CDK14: variants seen among roughly 807,000 people sequenced by gnomAD.
CDK14 encodes the protein cyclin-dependent kinase 14.
Under a neutral mutation model 60.7 loss-of-function variants are expected in CDK14, and 34 were observed. That is an observed-to-expected ratio of 0.56 (90% CI 0.43 to 0.75). The LOEUF (loss-of-function observed/expected upper bound fraction) is 0.75, where lower values mean the gene tolerates loss of function less well. CDK14 is among the 30% of genes least tolerant of loss of function. CDK14 has a pLI of 0.00. For synonymous variants in CDK14, 197 were observed against 203.7 expected (o/e 0.97, Z 0.28); for missense variants, 482 against 564.1 (o/e 0.85, Z 1.47).
intron 14 of CDK14, among the ~76,000 whole-genome samples, chr7:91,141,986 C>T (rs1241249983): frequency 1.3e-5 from 2 of 151,984 alleles, no homozygotes; most frequent in Non-Finnish European, 2.9e-5. Context: ...CCGTCACGCC[C>T]GGCTAAATTT....
chr7:90,790,791 A>C, intron 5 of CDK14, 139 bp downstream of exon 5: 1 of 542,476 alleles, frequency 1.8e-6, no homozygotes. Flanking sequence ...ACTGAAATTT[A>C]AAAATCAGTA....
At chr7:90,975,402 A>G (rs1481350379) in intron 9 of CDK14, among the ~76,000 whole-genome samples, 1 of 151,872 alleles carries the variant, frequency 6.6e-6, no homozygotes, top group African/African-American at 2.4e-5. Context: ...TGATGTTTTG[A>G]TACATATAAT....
At chr7:91,134,877 A>C (rs1562919206) in intron 14 of CDK14, among the ~76,000 whole-genome samples, 1 of 142,958 alleles carries the variant, frequency 7.0e-6, no homozygotes. Flanking sequence ...ACCCTGTCTC[A>C]AAAAAAAATA....
chr7:91,142,570 C>G (rs1008179129), intron 14 of CDK14, among the ~76,000 whole-genome samples: 3 of 152,222 alleles, frequency 2.0e-5, no homozygotes, highest in Admixed American at 6.5e-5. Flanking sequence ...CCACTTCACT[C>G]AAGTTGCCTT....
At chr7:90,744,635 G>A (rs1394241448) in intron 3 of CDK14, among the ~76,000 whole-genome samples, 10 of 148,630 alleles carry the variant, frequency 6.7e-5, no homozygotes, top group East Asian at 6.0e-4. Context: ...TGGCTGGGCC[G>A]GGGGCTGACC....
intron 13 of CDK14, among the ~76,000 whole-genome samples, chr7:91,117,532 C>T (rs565414416): frequency 6.6e-6 from 1 of 152,274 alleles, no homozygotes; most frequent in East Asian, 1.9e-4. Context: ...TCAGGAGAGA[C>T]TTCACTGACC....
intron 3 of CDK14, among the ~76,000 whole-genome samples, chr7:90,745,278 ATTG>A (rs1022178860): frequency 6.6e-6 from 1 of 152,070 alleles, no homozygotes; most frequent in African/African-American, 2.4e-5. Context: ...GGGTAATAAA[ATTG>A]TTGTGTTTCC....
intron 10 of CDK14, among the ~76,000 whole-genome samples, chr7:91,014,780 G>A (rs527435288): frequency 1.3e-5 from 2 of 152,262 alleles, no homozygotes; most frequent in East Asian, 3.9e-4. Context: ...CCATTATGGT[G>A]CACGCCCCAG....
At chr7:90,869,957 T>C (rs139388667) in intron 6 of CDK14, among the ~76,000 whole-genome samples, 101 of 152,346 alleles carry the variant, frequency 6.6e-4, no homozygotes, top group Middle Eastern at 3.4e-3. Context: ...TGTTAGCTCG[T>C]AATGCTAAGC....
intron 10 of CDK14, among the ~76,000 whole-genome samples, chr7:91,008,136 A>AC (rs1393546506): frequency 7.1e-5 from 10 of 140,604 alleles, no homozygotes; most frequent in Non-Finnish European, 1.4e-4. Context: ...CCAAAAAAAA[A>AC]AAAAAAAAAC....
intron 6 of CDK14, among the ~76,000 whole-genome samples, chr7:90,890,613 T>G (rs1792088485): frequency 6.6e-6 from 1 of 152,240 alleles, no homozygotes; most frequent in Non-Finnish European, 1.5e-5. Context: ...AGATAAGTAC[T>G]GTAAAGCATA....
intron 4 of CDK14, among the ~76,000 whole-genome samples, chr7:90,751,839 A>G (rs969729531): frequency 1.3e-5 from 2 of 152,240 alleles, no homozygotes; most frequent in African/African-American, 4.8e-5. Context: ...AGAAAGATCT[A>G]TCACTCAAAT....
In CDK14 at chr7:90,820,851, C is replaced by T. The variant is rs145487722; in HGVS notation, c.544+30199C>T. ...ACCAAGCTGAACTCTATTTTGAATGCTCCAGACCACGTATCCCAATTGCCT... is the reference window on the plus strand; with the variant it reads ...ACCAAGCTGAACTCTATTTTGAATGTTCCAGACCACGTATCCCAATTGCCT... On this transcript the variant is annotated intron_variant, in intron 5 of 14. Coordinates refer to ENST00000380050, the MANE Select transcript of CDK14 (RefSeq NM_001287135.2). 3.7e-4 allele frequency among the ~76,000 whole-genome samples: 57 copies of T among 152,284 alleles called. No individual in the cohort carries two copies. The East Asian group carries it at 0.01, about 27-fold the overall frequency.
chr7:91,032,380 C>A (rs1796786746), intron 10 of CDK14, among the ~76,000 whole-genome samples: 1 of 151,794 alleles, frequency 6.6e-6, no homozygotes, highest in African/African-American at 2.4e-5. Context: ...TAATGGATAC[C>A]CAAAGATAGT....
intron 5 of CDK14, among the ~76,000 whole-genome samples, chr7:90,861,216 A>C (rs1303437991): frequency 6.6e-6 from 1 of 152,166 alleles, no homozygotes; most frequent in Non-Finnish European, 1.5e-5. Flanking sequence ...ATGGGGGAAA[A>C]AAAAGATTAC....
intron 10 of CDK14, among the ~76,000 whole-genome samples, chr7:91,041,734 T>A (rs1730224649): frequency 6.6e-6 from 1 of 152,224 alleles, no homozygotes; most frequent in African/African-American, 2.4e-5. Flanking sequence ...TGACTTGCAA[T>A]TTGTGAAAAC....
chr7:90,703,823 C>G (rs1219621916), intron 2 of CDK14, among the ~76,000 whole-genome samples: 1 of 152,148 alleles, frequency 6.6e-6, no homozygotes, highest in Non-Finnish European at 1.5e-5. Context: ...CGGTGGTGCA[C>G]ACCTGTAATC....
At chr7:90,964,394 T>C (rs532261760) in intron 9 of CDK14, among the ~76,000 whole-genome samples, 1 of 152,344 alleles carries the variant, frequency 6.6e-6, no homozygotes, top group East Asian at 1.9e-4. Flanking sequence ...AGCTTCCCTC[T>C]GCCACTTCTT....
At chr7:90,647,593 GC>G (rs539765092) in intron 2 of CDK14, among the ~76,000 whole-genome samples, 114 of 152,052 alleles carry the variant, frequency 7.5e-4, no homozygotes, top group African/African-American at 2.6e-3. Context: ...AACTTCATGG[GC>G]AACTAATTCC....
Sources: allele counts gnomAD v4.1 joint callset (sites outside exome capture counted in the v4.1 genomes callset), GRCh38; gene constraint gnomAD v4.1.1; transcripts MANE v1.5; gene names NCBI Gene and HGNC (gene_info 2026-07-23, HGNC 2026-07-21).